The following EPHA5 variants were observed in gnomAD, a reference collection of about 807,000 sequenced individuals.
EPHA5 encodes ephrin type-A receptor 5.
In EPHA5, 60 loss-of-function variants were observed where a neutral mutation model predicts 105.0. The ratio of observed to expected loss-of-function variants is 0.57; its 90% CI spans 0.46 to 0.71. The LOEUF is 0.71. EPHA5 is among the 30% of genes least tolerant of loss of function. The pLI, the probability that EPHA5 is intolerant of heterozygous loss-of-function variation, is 0.00. For missense variants in EPHA5, 1,218 were observed against 1,274.7 expected (o/e 0.96, Z 0.68); for synonymous variants, 513 against 449.1 (o/e 1.14, Z -1.80).
chr4:65,546,090 TG>T (rs1158286526), intron 3 of EPHA5, among the ~76,000 whole-genome samples: 1 of 151,990 alleles, frequency 6.6e-6, no homozygotes, highest in Non-Finnish European at 1.5e-5. Flanking sequence ...ATTTGACACA[TG>T]TGCTTTCATT....
intron 8 of EPHA5, among the ~76,000 whole-genome samples, chr4:65,371,633 G>T (rs1214726207): frequency 6.6e-6 from 1 of 151,960 alleles, no homozygotes; most frequent in Non-Finnish European, 1.5e-5. Context: ...AAGAATTTCA[G>T]AGTACCAAGT....
At chr4:65,387,288 G>T (rs994503664) in intron 8 of EPHA5, among the ~76,000 whole-genome samples, 5 of 151,904 alleles carry the variant, frequency 3.3e-5, no homozygotes, top group African/African-American at 4.8e-5. Flanking sequence ...CAAAGGCTTG[G>T]ATACACTGGA....
intron 5 of EPHA5, among the ~76,000 whole-genome samples, chr4:65,450,014 A>C (rs1347293096): frequency 1.3e-5 from 2 of 152,140 alleles, no homozygotes; most frequent in Non-Finnish European, 2.9e-5. Context: ...TGTTATGTCA[A>C]CTCTAACAAA....
At chr4:65,614,236 C>G (rs1378014311) in intron 2 of EPHA5, among the ~76,000 whole-genome samples, 2 of 151,764 alleles carry the variant, frequency 1.3e-5, no homozygotes, top group South Asian at 2.1e-4. Context: ...TGATTTTAGC[C>G]TTAATATTAA....
intron 8 of EPHA5, among the ~76,000 whole-genome samples, chr4:65,379,895 A>T: frequency 6.6e-6 from 1 of 151,790 alleles, no homozygotes; most frequent in Admixed American, 6.6e-5. Flanking sequence ...GAAAACTAAG[A>T]CAAGTTACTT....
At chr4:65,443,813 TG>T (rs1741354000) in intron 5 of EPHA5, among the ~76,000 whole-genome samples, 1 of 152,158 alleles carries the variant, frequency 6.6e-6, no homozygotes, top group Admixed American at 6.5e-5. Flanking sequence ...ACATGTTTGC[TG>T]GGTCTCAACC....
intron 8 of EPHA5, among the ~76,000 whole-genome samples, chr4:65,395,543 C>T (rs1481537640): frequency 1.3e-5 from 2 of 152,172 alleles, no homozygotes; most frequent in Non-Finnish European, 2.9e-5. Context: ...CTAATTTCTA[C>T]ATGGTCTGAT....
intron 3 of EPHA5, among the ~76,000 whole-genome samples, chr4:65,595,816 G>A (rs986434218): frequency 1.4e-4 from 22 of 152,104 alleles, no homozygotes; most frequent in South Asian, 2.1e-4. Context: ...TCCTGACCTC[G>A]TGATCCACCT....
At chr4:65,371,749 C>A (rs547807870) in intron 8 of EPHA5, among the ~76,000 whole-genome samples, 97 of 152,064 alleles carry the variant, frequency 6.4e-4, no homozygotes, top group South Asian at 1.9e-3. Flanking sequence ...AAACAATAGC[C>A]TCCATACTAT....
At chr4:65,479,751 G>A (rs1730172762) in intron 5 of EPHA5, among the ~76,000 whole-genome samples, 1 of 151,976 alleles carries the variant, frequency 6.6e-6, no homozygotes, top group Non-Finnish European at 1.5e-5. Flanking sequence ...ATGGCCATAA[G>A]CAACATGTAT....
chr4:65,626,748 T>G (rs929387839), intron 2 of EPHA5, among the ~76,000 whole-genome samples: 3 of 152,234 alleles, frequency 2.0e-5, no homozygotes, highest in Admixed American at 6.5e-5. Context: ...TAGAAGACAT[T>G]TGTTCAATAT....
chr4:65,592,828 G>A (rs989973256), intron 3 of EPHA5, among the ~76,000 whole-genome samples: 3 of 152,130 alleles, frequency 2.0e-5, no homozygotes, highest in Admixed American at 1.3e-4. Context: ...CTTGGTTATG[G>A]CCGACAACAA....
intron 6 of EPHA5, among the ~76,000 whole-genome samples, chr4:65,415,920 T>G (rs1256248964): frequency 6.6e-6 from 1 of 152,094 alleles, no homozygotes; most frequent in Non-Finnish European, 1.5e-5. Flanking sequence ...TGACAGTTAC[T>G]AATTTTTCTG....
intron 3 of EPHA5, chr4:65,573,454 G>A: frequency 8.8e-7 from 1 of 1,130,608 alleles, no homozygotes. Flanking sequence ...TTCCCATCTT[G>A]CAAGATGGCG....
At chr4:65,372,464 A>T (rs62314065) in intron 8 of EPHA5, among the ~76,000 whole-genome samples, 93 of 151,778 alleles carry the variant, frequency 6.1e-4, no homozygotes, top group Non-Finnish European at 1.2e-3. Flanking sequence ...AAACTGTGTG[A>T]GTCATTTATA....
chr4:65,336,024 ATTTCGCTCTT>A lies in EPHA5; in HGVS notation c.2687_2696del (p.Lys896IlefsTer9). 2 of 1,613,362 alleles carry A rather than the reference ATTTCGCTCTT, an allele frequency of 1.2e-6. No individual in the cohort carries two copies. Among genetic ancestry groups the A allele is most frequent in the Non-Finnish European group, 1.7e-6 (2 of 1,179,624 alleles). ...CTATTTCATCAAACTTGGGCCTGCTATTTCGCTCTTTCTGCCAGCAATCCAGCATTAACTG... is the reference window on the plus strand; with the variant it reads ...CTATTTCATCAAACTTGGGCCTGCTATCTGCCAGCAATCCAGCATTAACTG... On this transcript the variant is annotated frameshift_variant, in exon 15 of 17. Transcript: ENST00000613740. LOFTEE classifies it high-confidence loss of function.
intron 2 of EPHA5, among the ~76,000 whole-genome samples, chr4:65,638,354 A>G (rs1171066448): frequency 6.6e-6 from 1 of 152,208 alleles, no homozygotes; most frequent in East Asian, 1.9e-4. Flanking sequence ...GGAAGAAACT[A>G]TATGTAAATA....
intron 2 of EPHA5, among the ~76,000 whole-genome samples, chr4:65,630,174 T>C (rs1436557498): frequency 1.3e-5 from 2 of 151,958 alleles, no homozygotes; most frequent in Non-Finnish European, 2.9e-5. Flanking sequence ...AAAATAATCA[T>C]TGGTCACAGC....
In EPHA5 at chr4:65,348,064, G is replaced by C. The variant is rs1722389432; in HGVS notation, c.2585C>G (p.Thr862Ser). 2.5e-6 allele frequency: 4 copies of C among 1,605,958 alleles called. No homozygotes were observed. The highest frequency in any genetic ancestry group is 3.4e-6 in the Non-Finnish European group (4 of 1,176,566). ...TAGTTCCATACTCACATCTTGATTG[G>C]TCATCTCCCAGTAGGGTCTCTCTCC... ...SYGERPYWEM[T>S]NQDVIKAVEE... The change falls in exon 14 of 17, where the codon ACC becomes AGC. Residue 862 changes from threonine (T) to serine (S), a missense_variant. Coordinates refer to ENST00000613740, the MANE Select transcript of EPHA5 (RefSeq NM_001281766.3).
Sources: gnomAD v4.1 joint callset for allele counts (sites outside exome capture counted in the v4.1 genomes callset) on GRCh38, gnomAD v4.1.1 for gene constraint, MANE v1.5 for transcripts, NCBI Gene and HGNC (gene_info 2026-07-23, HGNC 2026-07-21) for gene names.